The following EYS variants were observed in gnomAD, a reference collection of about 807,000 sequenced individuals.
The protein encoded by EYS is protein eyes shut homolog.
In EYS, 250 loss-of-function variants were observed where a neutral mutation model predicts 282.1. The observed-to-expected ratio is 0.89, with a 90% CI of 0.80 to 0.98. The LOEUF is 0.98. Among genes scored for constraint, EYS ranks in the 50% least tolerant of loss-of-function variants. The pLI is 0.00. For synonymous variants in EYS, 1,355 were observed against 1,282.9 expected, an observed-to-expected ratio of 1.06 and a Z score of -1.20; for missense variants, 4,016 against 3,709.0, an observed-to-expected ratio of 1.08 and a Z score of -2.15.
chr6:64,732,222 C>A (rs1424733253), intron 22 of EYS, among the ~76,000 whole-genome samples: 1 of 151,706 alleles, frequency 6.6e-6, no homozygotes, highest in African/African-American at 2.4e-5. Flanking sequence ...TGATGGGTTG[C>A]TGGGTGCAGC....
intron 5 of EYS, among the ~76,000 whole-genome samples, chr6:65,435,575 G>T (rs751071586): frequency 4.6e-5 from 7 of 151,774 alleles, no homozygotes; most frequent in Non-Finnish European, 8.8e-5. Context: ...CTGGGTGAAG[G>T]GCCCATGGAA....
At chr6:65,417,280 C>G (rs1386962688) in intron 5 of EYS, among the ~76,000 whole-genome samples, 4 of 151,822 alleles carry the variant, frequency 2.6e-5, no homozygotes, top group African/African-American at 9.7e-5. Context: ...GAGAATTAAC[C>G]TCCAAAAACA....
intron 12 of EYS, among the ~76,000 whole-genome samples, chr6:65,151,664 G>A (rs2150215592): frequency 6.6e-6 from 1 of 152,006 alleles, no homozygotes; most frequent in African/African-American, 2.4e-5. Flanking sequence ...ATTCTAACGT[G>A]CTATTTTGTT....
intron 22 of EYS, among the ~76,000 whole-genome samples, chr6:64,773,972 T>C (rs2149988269): frequency 6.6e-6 from 1 of 152,146 alleles, no homozygotes; most frequent in Admixed American, 6.6e-5. Flanking sequence ...TTGTTGAAAT[T>C]GCTTTTGGCA....
intron 35 of EYS, among the ~76,000 whole-genome samples, chr6:63,909,695 G>A (rs968206886): frequency 1.3e-5 from 2 of 152,096 alleles, no homozygotes; most frequent in African/African-American, 2.4e-5. Context: ...TTACTAACAC[G>A]CCGCTTCCAG....
intron 2 of EYS, among the ~76,000 whole-genome samples, chr6:65,619,353 T>C (rs1766371021): frequency 6.6e-6 from 1 of 152,048 alleles, no homozygotes. Flanking sequence ...GCCTCTCTGT[T>C]TGTCTGTTAT....
At chr6:63,739,879 T>TA (rs1232031679) in intron 41 of EYS, among the ~76,000 whole-genome samples, 2 of 133,326 alleles carry the variant, frequency 1.5e-5, no homozygotes, top group Non-Finnish European at 3.2e-5. Context: ...TTTTTTTTTT[T>TA]AGTAGAGACG....
intron 1 of EYS, among the ~76,000 whole-genome samples, chr6:65,698,169 AG>A (rs1769526297): frequency 6.6e-6 from 1 of 152,156 alleles, no homozygotes; most frequent in South Asian, 2.1e-4. Context: ...TTATACATAA[AG>A]AATAGTTGCC....
chr6:64,070,758 G>A (rs1771542873), intron 32 of EYS, among the ~76,000 whole-genome samples: 1 of 151,976 alleles, frequency 6.6e-6, no homozygotes, highest in Non-Finnish European at 1.5e-5. Context: ...GAATTTTATT[G>A]CATCTCTAAG....
At chr6:65,129,682 C>G (rs1775814181) in intron 12 of EYS, among the ~76,000 whole-genome samples, 1 of 151,784 alleles carries the variant, frequency 6.6e-6, no homozygotes, top group Non-Finnish European at 1.5e-5. Flanking sequence ...TCTGAGGCTG[C>G]AGAGGAAATA....
At chr6:64,590,102 G>T in intron 26 of EYS, 121 bp downstream of exon 26, 1 of 805,856 alleles carries the variant, frequency 1.2e-6, no homozygotes, top group South Asian at 1.9e-5. Flanking sequence ...AATTGAACTG[G>T]CTGCTGCCCT....
At chr6:64,983,659 G>T (rs1212497933) in intron 14 of EYS, among the ~76,000 whole-genome samples, 1 of 151,168 alleles carries the variant, frequency 6.6e-6, no homozygotes, top group Non-Finnish European at 1.5e-5. Flanking sequence ...GTGTTAATGG[G>T]GTTACTATGA....
chr6:65,169,373 A>G (rs1249345337), intron 12 of EYS, among the ~76,000 whole-genome samples: 1 of 151,476 alleles, frequency 6.6e-6, no homozygotes, highest in East Asian at 2.0e-4. Context: ...TGTGGCATTG[A>G]TAAATAGTTT....
rs1423513901 is a variant in EYS at position 65,504,520 on chromosome 6, A to G, written c.-332-8527T>C. Among the ~76,000 whole-genome samples, 11 of 151,868 alleles carry G rather than the reference A, an allele frequency of 7.2e-5. No individual in the cohort carries two copies. The East Asian group carries it at 1.9e-3, about 27-fold the overall frequency. On this transcript the variant is annotated intron_variant, in intron 2 of 42. Coordinates refer to ENST00000503581, the MANE Select transcript of EYS (RefSeq NM_001142800.2). ...TATCCATTTTTCTACACGAATTAGC[A>G]TAACTGTAGGATTTTACAGATGTTC...
chr6:64,493,662 A>C (rs1028433978), intron 26 of EYS, among the ~76,000 whole-genome samples: 2 of 151,064 alleles, frequency 1.3e-5, no homozygotes, highest in African/African-American at 4.9e-5. Context: ...TTTTTTTTTA[A>C]TTATACTTTA....
chr6:65,472,493 G>C (rs1351064655), intron 5 of EYS, among the ~76,000 whole-genome samples: 1 of 152,034 alleles, frequency 6.6e-6, no homozygotes, highest in Non-Finnish European at 1.5e-5. Context: ...TTACAAATTT[G>C]ATGAGCTTTT....
In EYS at chr6:64,008,454, G is replaced by T. The variant is rs555750928; in HGVS notation, c.6726-9271C>A. Among the ~76,000 whole-genome samples, 24 of 152,146 alleles carry T rather than the reference G, an allele frequency of 1.6e-4. No individual in the cohort carries two copies. The South Asian group carries it at 5.0e-3, about 32-fold the overall frequency. ...GTATGCCCTTTAATTGAGGCATTTAGCCTGTTTACATTCAAGATTAATTTT... is the reference window on the plus strand; with the variant it reads ...GTATGCCCTTTAATTGAGGCATTTATCCTGTTTACATTCAAGATTAATTTT... On this transcript the variant is annotated intron_variant, in intron 33 of 42. Coordinates refer to ENST00000503581, the MANE Select transcript of EYS (RefSeq NM_001142800.2).
At chr6:65,590,891 C>T (rs1056955731) in intron 2 of EYS, among the ~76,000 whole-genome samples, 2 of 151,382 alleles carry the variant, frequency 1.3e-5, no homozygotes, top group East Asian at 3.9e-4. Flanking sequence ...TTGATGGACA[C>T]TTAGATTCCA....
At chr6:64,962,990 G>A (rs1769975531) in intron 14 of EYS, among the ~76,000 whole-genome samples, 1 of 152,090 alleles carries the variant, frequency 6.6e-6, no homozygotes, top group African/African-American at 2.4e-5. Context: ...CTATTTGAAT[G>A]ATATTTTCTA....
Sources: allele counts gnomAD v4.1 joint callset (sites outside exome capture counted in the v4.1 genomes callset), GRCh38; gene constraint gnomAD v4.1.1; transcripts MANE v1.5; gene names NCBI Gene and HGNC (gene_info 2026-07-23, HGNC 2026-07-21).